CADM3: variants seen among roughly 807,000 people sequenced by gnomAD.
The protein encoded by CADM3 is cell adhesion molecule 3.
CADM3 carries 11 observed loss-of-function variants against 44.9 expected under a neutral mutation model. The ratio of observed to expected loss-of-function variants is 0.25; its 90% CI spans 0.15 to 0.41. The LOEUF (loss-of-function observed/expected upper bound fraction) is 0.41, where lower values mean the gene tolerates loss of function less well. CADM3 is among the 10% of genes least tolerant of loss of function. CADM3 has a pLI of 1.00. For synonymous variants in CADM3, 207 were observed against 205.2 expected, an observed-to-expected ratio of 1.01 and a Z score of -0.08; for missense variants, 426 against 512.0, an observed-to-expected ratio of 0.83 and a Z score of 1.62.
intron 1 of CADM3, among the ~76,000 whole-genome samples, chr1:159,176,277 T>C (rs1649012870): frequency 6.6e-6 from 1 of 152,226 alleles, no homozygotes; most frequent in South Asian, 2.1e-4. Context: ...TTATTTTTCA[T>C]GTTAGAATGT....
At chr1:159,193,777 T>C (rs1257914761) in intron 4 of CADM3, 93 bp from the exon 5 acceptor site, 1 of 1,536,152 alleles carries the variant, frequency 6.5e-7, no homozygotes, top group African/African-American at 1.4e-5. Flanking sequence ...CATCTGTACG[T>C]CTACAATGAG....
At chr1:159,196,069 G>T in intron 5 of CADM3, 2 of 338,320 alleles carry the variant, frequency 5.9e-6, no homozygotes, top group Non-Finnish European at 5.5e-6. Context: ...TAGGAGGTTT[G>T]CTAGGCACAG....
At chr1:159,200,277 CT>C (rs1650107319) in intron 8 of CADM3, among the ~76,000 whole-genome samples, 1 of 152,086 alleles carries the variant, frequency 6.6e-6, no homozygotes, top group Non-Finnish European at 1.5e-5. Context: ...CATTGCCTTT[CT>C]TTCCTCTCCC....
chr1:159,199,947 G>T, intron 8 of CADM3, 71 bp downstream of exon 8: 1 of 1,566,018 alleles, frequency 6.4e-7, no homozygotes, highest in Non-Finnish European at 8.7e-7. Flanking sequence ...CAGGCACGAG[G>T]AGAAGCAGAC....
At position 159,191,943 on chromosome 1, in the gene CADM3, G is replaced by A. The variant is rs745751427; in HGVS notation, c.96G>A (p.Gln32=). 5 of 1,614,066 alleles carry A rather than the reference G, an allele frequency of 3.1e-6. No individual in the cohort carries two copies. Among genetic ancestry groups the A allele is most frequent in the Non-Finnish European group, 4.2e-6 (5 of 1,180,018 alleles). ...GGANLSQDDS[Q]PWTSDETVVA... ...ACTCTTCTACTCCTGCAGACAGCCAGCCCTGGACATCTGATGAAACAGTGG... is the reference window on the plus strand; with the variant it reads ...ACTCTTCTACTCCTGCAGACAGCCAACCCTGGACATCTGATGAAACAGTGG... Residue 32 remains glutamine (Q), a synonymous_variant, in exon 2 of 9, where the codon CAG becomes CAA. Coordinates refer to ENST00000368125, the MANE Select transcript of CADM3 (RefSeq NM_001127173.3).
chr1:159,188,784 TA>T (rs1249041420), intron 1 of CADM3, among the ~76,000 whole-genome samples: 1 of 152,198 alleles, frequency 6.6e-6, no homozygotes, highest in Admixed American at 6.5e-5. Context: ...AAGAAAGGAA[TA>T]GGCAGACAGG....
chr1:159,193,035 A>G (rs1168952580), intron 3 of CADM3, among the ~76,000 whole-genome samples: 1 of 152,202 alleles, frequency 6.6e-6, no homozygotes, highest in Non-Finnish European at 1.5e-5. Flanking sequence ...AACACAAGAC[A>G]TGCATGTGTT....
chr1:159,188,782 A>C (rs1453362233), intron 1 of CADM3, among the ~76,000 whole-genome samples: 2 of 152,184 alleles, frequency 1.3e-5, no homozygotes, highest in Non-Finnish European at 2.9e-5. Context: ...CCAAGAAAGG[A>C]ATAGGCAGAC....
At chr1:159,192,170 C>A in intron 2 of CADM3, 94 bp downstream of exon 2, 1 of 1,352,784 alleles carries the variant, frequency 7.4e-7, no homozygotes, top group Non-Finnish European at 1.0e-6. Flanking sequence ...CATCCAGAGG[C>A]TGAGAAACAT....
intron 1 of CADM3, chr1:159,178,572 T>C (rs991627087): frequency 6.6e-6 from 1 of 152,114 alleles, no homozygotes; most frequent in African/African-American, 2.4e-5. Flanking sequence ...AAAACAAATA[T>C]CAAAATCTTG....
At chr1:159,184,433 G>T (rs1316534680) in intron 1 of CADM3, among the ~76,000 whole-genome samples, 1 of 152,100 alleles carries the variant, frequency 6.6e-6, no homozygotes, top group Non-Finnish European at 1.5e-5. Flanking sequence ...GAAATGCTGA[G>T]TCATCATCAT....
chr1:159,186,301 A>T (rs952900311), intron 1 of CADM3, among the ~76,000 whole-genome samples: 3 of 152,184 alleles, frequency 2.0e-5, no homozygotes, highest in African/African-American at 7.2e-5. Context: ...TATTATCTGC[A>T]GAGAGTGGAG....
At chr1:159,189,903 C>A (rs778121221) in intron 1 of CADM3, 80 of 1,438,634 alleles carry the variant, frequency 5.6e-5, no homozygotes, top group Admixed American at 7.5e-5. Context: ...ATCTCAATGT[C>A]CCTCAGTTCC....
At chr1:159,174,436 T>C (rs1648943670) in intron 1 of CADM3, among the ~76,000 whole-genome samples, 1 of 152,148 alleles carries the variant, frequency 6.6e-6, no homozygotes, top group African/African-American at 2.4e-5. Context: ...CTGGTAATGT[T>C]TGACCAAAAC....
intron 7 of CADM3, chr1:159,197,721 C>G (rs1030655227): frequency 2.6e-5 from 4 of 152,110 alleles, no homozygotes; most frequent in Non-Finnish European, 4.4e-5. Context: ...TTTGAAGATC[C>G]CAATGGCTGT....
intron 1 of CADM3, among the ~76,000 whole-genome samples, chr1:159,189,605 A>G (rs1464547001): frequency 6.6e-6 from 1 of 152,198 alleles, no homozygotes; most frequent in African/African-American, 2.4e-5. Flanking sequence ...TCAGAACTCT[A>G]GTTAATTTCG....
chr1:159,182,656 T>A (rs1347865398), intron 1 of CADM3, among the ~76,000 whole-genome samples: 1 of 152,182 alleles, frequency 6.6e-6, no homozygotes, highest in African/African-American at 2.4e-5. Context: ...AAGGAATTAC[T>A]GAACTTGGAC....
chr1:159,187,840 G>T (rs1649480143), intron 1 of CADM3, among the ~76,000 whole-genome samples: 1 of 152,002 alleles, frequency 6.6e-6, no homozygotes, highest in Non-Finnish European at 1.5e-5. Context: ...TCCTCCATGT[G>T]CACAGAAGGT....
intron 8 of CADM3, among the ~76,000 whole-genome samples, chr1:159,200,508 A>G (rs1650125688): frequency 7.7e-6 from 1 of 130,434 alleles, no homozygotes; most frequent in South Asian, 2.6e-4. Flanking sequence ...ACACACACGC[A>G]TGCGTGCAAG....
Sources: allele counts gnomAD v4.1 joint callset (sites outside exome capture counted in the v4.1 genomes callset), GRCh38; gene constraint gnomAD v4.1.1; transcripts MANE v1.5; gene names NCBI Gene and HGNC (gene_info 2026-07-23, HGNC 2026-07-21).